LPP: variants seen among roughly 807,000 people sequenced by gnomAD.
The protein encoded by LPP is lipoma-preferred partner.
Under a neutral mutation model 60.4 loss-of-function variants are expected in LPP, and 38 were observed. The ratio of observed to expected loss-of-function variants is 0.63; its 90% CI spans 0.49 to 0.83. LPP has a LOEUF of 0.83. LPP is among the 40% of genes least tolerant of loss of function. The pLI, the probability that LPP is intolerant of heterozygous loss-of-function variation, is 0.00. For synonymous variants in LPP, 328 were observed against 290.8 expected, an observed-to-expected ratio of 1.13 and a Z score of -1.30; for missense variants, 902 against 783.6, an observed-to-expected ratio of 1.15 and a Z score of -1.80.
intron 8 of LPP, chr3:188,746,458 TTG>T (rs1553825972): frequency 2.2e-6 from 1 of 449,648 alleles, no homozygotes; most frequent in Middle Eastern, 3.1e-4. Context: ...GCTGTATTTG[TTG>T]TAACTATCTC....
intron 6 of LPP, among the ~76,000 whole-genome samples, chr3:188,557,801 G>A (rs984870019): frequency 2.0e-5 from 3 of 152,008 alleles, no homozygotes; most frequent in Non-Finnish European, 2.9e-5. Flanking sequence ...GCATATGAAT[G>A]TTCTGGCGCT....
At chr3:188,719,546 C>A (rs1209724827) in intron 8 of LPP, among the ~76,000 whole-genome samples, 1 of 152,156 alleles carries the variant, frequency 6.6e-6, no homozygotes, top group African/African-American at 2.4e-5. Flanking sequence ...ATGTTCTTTG[C>A]TTATTAACTG....
At chr3:188,736,785 T>C (rs902801973) in intron 8 of LPP, among the ~76,000 whole-genome samples, 3 of 151,922 alleles carry the variant, frequency 2.0e-5, no homozygotes, top group Admixed American at 6.6e-5. Flanking sequence ...TATATATCTA[T>C]ATTATCCTAA....
At chr3:188,458,725 T>C (rs1446313689) in intron 4 of LPP, among the ~76,000 whole-genome samples, 4 of 152,174 alleles carry the variant, frequency 2.6e-5, no homozygotes, top group Non-Finnish European at 5.9e-5. Flanking sequence ...CTCTCAACCA[T>C]AAATAACATG....
intron 8 of LPP, among the ~76,000 whole-genome samples, chr3:188,757,278 C>T (rs1560163446): frequency 6.6e-6 from 1 of 152,160 alleles, no homozygotes; most frequent in East Asian, 1.9e-4. Context: ...AGAACATAGT[C>T]GTGGGCAAGA....
chr3:188,272,056 G>T (rs573435693), intron 2 of LPP, among the ~76,000 whole-genome samples: 1 of 152,254 alleles, frequency 6.6e-6, no homozygotes, highest in East Asian at 1.9e-4. Flanking sequence ...AGAAGGAGGG[G>T]ATTAATTCTT....
intron 7 of LPP, among the ~76,000 whole-genome samples, chr3:188,654,269 G>C (rs950027966): frequency 9.2e-5 from 14 of 152,226 alleles, no homozygotes; most frequent in African/African-American, 3.4e-4. Context: ...AAGGAAAATG[G>C]TGTTGATTGA....
chr3:188,602,910 C>T (rs1580315604), intron 6 of LPP, among the ~76,000 whole-genome samples: 1 of 151,684 alleles, frequency 6.6e-6, no homozygotes, highest in Non-Finnish European at 1.5e-5. Flanking sequence ...TGCATGCTTC[C>T]TAGTGATACT....
rs1464458118 is a variant in LPP at position 188,870,662 on chromosome 3, T to C, written c.1590-1981T>C. Among the ~76,000 whole-genome samples, 2 of 152,224 alleles carry C rather than the reference T, an allele frequency of 1.3e-5. 1 individual carries two copies. Among genetic ancestry groups the C allele is most frequent in the African/African-American group, 4.8e-5 (2 of 41,456 alleles). ...TAGCTTTAATCATCGAAAGTTGTTTTCATCAAATTTACTTTTACGATTATT... is the reference window on the plus strand; with the variant it reads ...TAGCTTTAATCATCGAAAGTTGTTTCCATCAAATTTACTTTTACGATTATT... On this transcript the variant is annotated intron_variant, in intron 10 of 11. Transcript: ENST00000617246.
intron 1 of LPP, among the ~76,000 whole-genome samples, chr3:188,201,380 G>A (rs1487014547): frequency 6.6e-6 from 1 of 152,126 alleles, no homozygotes; most frequent in African/African-American, 2.4e-5. Flanking sequence ...ATTCTCTTTT[G>A]GGGGTAGTAC....
At chr3:188,154,483 G>C (rs888843012) in intron 1 of LPP, among the ~76,000 whole-genome samples, 5 of 152,146 alleles carry the variant, frequency 3.3e-5, no homozygotes, top group African/African-American at 7.2e-5. Context: ...GGCTAGGCGG[G>C]GTTGGAGCCT....
intron 9 of LPP, among the ~76,000 whole-genome samples, chr3:188,804,243 T>TTTTATATATATATATA (rs1322626096): frequency 1.1e-4 from 4 of 37,710 alleles, no homozygotes; most frequent in African/African-American, 4.5e-4. Flanking sequence ...TAGTGCATCT[T>TTTTATATATATATATA]TATATATATA....
intron 7 of LPP, among the ~76,000 whole-genome samples, chr3:188,642,270 G>A (rs1306824203): frequency 1.3e-5 from 2 of 152,098 alleles, no homozygotes; most frequent in African/African-American, 4.8e-5. Flanking sequence ...GACTCAGTGT[G>A]CCCTGGAAAT....
Position 188,708,124 on chromosome 3 carries a change from A to C in LPP, c.1114-143A>C, listed in dbSNP as rs745361781. The C allele has an allele frequency of 5.1e-5, 42 of 821,780 alleles. No homozygotes were observed. In the Middle Eastern group the frequency reaches 2.2e-3, roughly 43 times the overall value. The allele number at this position is 821,780 out of a possible 1,614,324, so 50.9% of individuals were successfully genotyped here. On this transcript the variant is annotated intron_variant, in intron 7 of 11. Coordinates refer to ENST00000617246, the MANE Select transcript of LPP (RefSeq NM_001375462.1). ...CAAGGTTAGCCACTGAATAAGTGAT[A>C]AAACTAATTCTAAAACCCAGGTCTC...
rs76974331 is a variant in LPP, at chr3:188,172,703, G to A, written c.-190+18451G>A. On this transcript the variant is annotated intron_variant, in intron 1 of 11. Coordinates refer to ENST00000617246, the MANE Select transcript of LPP (RefSeq NM_001375462.1). ...TTGATGTCTTACATTACTATGGAAC[G>A]TTTGTCAAAACTAAGAAACTGATGT... Among the ~76,000 whole-genome samples, 592 of 152,172 alleles carry A rather than the reference G, an allele frequency of 3.9e-3. 4 individuals carry two copies. The highest frequency in any genetic ancestry group is 0.014 in the African/African-American group (573 of 41,496).
intron 5 of LPP, among the ~76,000 whole-genome samples, chr3:188,515,873 A>G (rs1817218248): frequency 6.6e-6 from 1 of 152,212 alleles, no homozygotes; most frequent in African/African-American, 2.4e-5. Flanking sequence ...AAGAGTATCA[A>G]ATAACATAGT....
intron 6 of LPP, among the ~76,000 whole-genome samples, chr3:188,541,744 A>G (rs1825242866): frequency 6.6e-6 from 1 of 152,118 alleles, no homozygotes; most frequent in African/African-American, 2.4e-5. Context: ...TAAAAATACA[A>G]AAATTAGCTG....
intron 4 of LPP, among the ~76,000 whole-genome samples, chr3:188,442,071 A>G (rs1324781660): frequency 1.3e-5 from 2 of 152,324 alleles, no homozygotes; most frequent in Non-Finnish European, 2.9e-5. Context: ...AGCAATAACT[A>G]TTGAATGAAT....
intron 4 of LPP, among the ~76,000 whole-genome samples, chr3:188,467,435 G>C (rs1422577615): frequency 6.6e-6 from 1 of 152,050 alleles, no homozygotes; most frequent in Non-Finnish European, 1.5e-5. Flanking sequence ...TCTGAGTCTA[G>C]CACTATGTGC....
Sources: allele counts gnomAD v4.1 joint callset (sites outside exome capture counted in the v4.1 genomes callset), GRCh38; gene constraint gnomAD v4.1.1; transcripts MANE v1.5; gene names NCBI Gene and HGNC (gene_info 2026-07-23, HGNC 2026-07-21).